FBXW10: variants seen among roughly 807,000 people sequenced by gnomAD.
FBXW10 encodes the protein F-box/WD repeat-containing protein 10.
In FBXW10, 68 loss-of-function variants were observed where a neutral mutation model predicts 113.1. The observed-to-expected ratio is 0.60, with a 90% CI of 0.49 to 0.74. The LOEUF (loss-of-function observed/expected upper bound fraction) is 0.74, where lower values mean the gene tolerates loss of function less well. FBXW10 is among the 30% of genes least tolerant of loss of function. The probability of loss-of-function intolerance (pLI) is 0.00; values close to 1 mark genes in which losing one functional copy is unlikely to be tolerated. For missense variants in FBXW10, 753 were observed against 1,284.5 expected (o/e 0.59, Z 6.32); for synonymous variants, 289 against 481.6 (o/e 0.60, Z 5.24).
chr17:18,746,587 T>A (rs1396801805), intron 1 of FBXW10, among the ~76,000 whole-genome samples: 3 of 152,192 alleles, frequency 2.0e-5, no homozygotes, highest in Non-Finnish European at 4.4e-5. Context: ...AGAATGATAA[T>A]ATAGAATGAA....
chr17:18,776,422 T>C (rs2035700483), intron 13 of FBXW10, among the ~76,000 whole-genome samples: 1 of 152,230 alleles, frequency 6.6e-6, no homozygotes, highest in African/African-American at 2.4e-5. Context: ...TTTCAAATAT[T>C]TTTGGCTAGT....
At chr17:18,756,404 C>T (rs1043691154) in intron 6 of FBXW10, among the ~76,000 whole-genome samples, 4 of 152,234 alleles carry the variant, frequency 2.6e-5, no homozygotes, top group Non-Finnish European at 4.4e-5. Flanking sequence ...GCACAAGTCA[C>T]ACATAAAATC....
chr17:18,768,540 A>C lies in FBXW10; in HGVS notation c.1711A>C (p.Ser571Arg), dbSNP rs148396663. The change falls in exon 10 of 14, where the codon AGT (serine) becomes CGT (arginine). Residue 571 changes from serine to arginine, a missense_variant. Ser to Arg is a moderately radical substitution (Grantham distance 110). Coordinates refer to ENST00000395665, the MANE Select transcript of FBXW10 (RefSeq NM_001267585.2). ...IAMAQLVKTLSGHEGAVKCLF... is the reference protein window; with the variant it reads ...IAMAQLVKTLRGHEGAVKCLF... ...GTGGTATCTTTTCTTGCAGACTCTC[A>C]GTGGCCATGAGGGAGCCGTGAAATG... 9.9e-6 allele frequency: 16 copies of C among 1,613,972 alleles called. No individual in the cohort carries two copies. Among genetic ancestry groups the C allele is most frequent in the Non-Finnish European group, 1.3e-5 (15 of 1,180,020 alleles).
chr17:18,777,696 G>T (rs531399998), intron 13 of FBXW10, among the ~76,000 whole-genome samples: 11 of 151,554 alleles, frequency 7.3e-5, no homozygotes, highest in African/African-American at 2.7e-4. Flanking sequence ...GGCGCCCGCC[G>T]CCATGCCGGG....
Position 18,756,042 on chromosome 17 carries a change from T to C in FBXW10, c.1123-3T>C. ...GCTTTAACTTCAAATATTCCCTTGT[T>C]AGAATGAGTACAACCTGTGGACTGC... On this transcript the variant is annotated splice_polypyrimidine_tract_variant and splice_region_variant and intron_variant, in intron 5 of 13. Coordinates refer to ENST00000395665, the MANE Select transcript of FBXW10 (RefSeq NM_001267585.2). The C allele has an allele frequency of 6.2e-7, 1 of 1,613,670 alleles. No homozygotes were observed. The highest frequency in any genetic ancestry group is 8.5e-7 in the Non-Finnish European group (1 of 1,179,712).
At chr17:18,745,945 G>T (rs573507761) in intron 1 of FBXW10, among the ~76,000 whole-genome samples, 7 of 152,286 alleles carry the variant, frequency 4.6e-5, no homozygotes, top group Admixed American at 3.3e-4. Context: ...GTTTTATTTG[G>T]CTCACAGTTC....
rs368084632 is a variant in FBXW10 at position 18,772,932 on chromosome 17, T to C, written c.2278+249T>C. ...CTAGATTTTCTTTCTTTCTTTCTTT[T>C]TTTTTTTTTTTTTGAGATGGAGTTT... is the stretch of plus-strand genomic sequence containing the variant. On this transcript the variant is annotated intron_variant, in intron 12 of 13. Transcript: ENST00000395665. Among the ~76,000 whole-genome samples, 665 of 150,072 alleles carry C rather than the reference T, an allele frequency of 4.4e-3. 7 individuals carry two copies. The highest frequency in any genetic ancestry group is 0.014 in the African/African-American group (570 of 41,018).
At chr17:18,764,428 T>C (rs1356633764) in intron 7 of FBXW10, among the ~76,000 whole-genome samples, 1 of 152,052 alleles carries the variant, frequency 6.6e-6, no homozygotes, top group African/African-American at 2.4e-5. Context: ...TCTCAATCTC[T>C]TGATCTCATG....
At chr17:18,759,839 TCTC>T (rs1292974054) in intron 7 of FBXW10, among the ~76,000 whole-genome samples, 3 of 152,102 alleles carry the variant, frequency 2.0e-5, no homozygotes, top group Admixed American at 6.5e-5. Flanking sequence ...ATGGTCTCGA[TCTC>T]CTGACCTCGT....
Position 18,766,989 on chromosome 17 carries a change from G to A in FBXW10, c.1704+127G>A, listed in dbSNP as rs1567622935. The A allele has an allele frequency of 2.6e-6, 3 of 1,139,056 alleles. No individual in the cohort carries two copies. The South Asian group carries it at 4.6e-5, about 18-fold the overall frequency. 70.6% of individuals were successfully genotyped at this position (1,139,056 alleles called of 1,614,324 possible). ...GACCTTCAAGAAGGACAGTCCTGAA[G>A]CTCTAAAGGGGAAGGCCCCAAAGTG... On this transcript the variant is annotated intron_variant, in intron 9 of 13. Transcript: ENST00000395665.
chr17:18,747,074 G>A (rs892917108), intron 1 of FBXW10, among the ~76,000 whole-genome samples: 13 of 151,900 alleles, frequency 8.6e-5, no homozygotes, highest in African/African-American at 2.7e-4. Context: ...ACAGGTGCCC[G>A]CCACCACGCC....
At chr17:18,773,139 A>G (rs964117210) in intron 12 of FBXW10, among the ~76,000 whole-genome samples, 12 of 151,600 alleles carry the variant, frequency 7.9e-5, no homozygotes, top group African/African-American at 2.9e-4. Flanking sequence ...CTCCATGTTG[A>G]TCAGGCTGGT....
rs1250832131 is a variant in FBXW10 at position 18,751,054 on chromosome 17, G to T, written c.1122+1G>T. ...TCCGAAGTGGAAGCTGAGAACGAAG[G>T]TGGGTTCCAACAGCATCTGGGGCAA... is the stretch of plus-strand genomic sequence containing the variant. On this transcript the variant is annotated splice_donor_variant, in intron 5 of 13. Transcript: ENST00000395665. LOFTEE classifies it high-confidence loss of function. 2.5e-5 allele frequency: 41 copies of T among 1,613,942 alleles called. No individual in the cohort carries two copies. The highest frequency in any genetic ancestry group is 3.4e-5 in the Non-Finnish European group (40 of 1,179,902).
intron 8 of FBXW10, among the ~76,000 whole-genome samples, chr17:18,765,623 C>T (rs1435625401): frequency 1.3e-5 from 2 of 152,220 alleles, no homozygotes; most frequent in Admixed American, 6.5e-5. Flanking sequence ...TATATTTTGT[C>T]TCAGGCCACT....
At chr17:18,749,585 T>C (rs1009423960) in intron 2 of FBXW10, 137 bp from the exon 3 acceptor site, 2 of 1,026,482 alleles carry the variant, frequency 1.9e-6, no homozygotes, top group Non-Finnish European at 2.8e-6. Context: ...GCAGAAGAGA[T>C]GACAAAAATC....
intron 5 of FBXW10, among the ~76,000 whole-genome samples, chr17:18,753,484 C>T (rs983016225): frequency 3.9e-4 from 59 of 152,130 alleles, no homozygotes; most frequent in African/African-American, 1.2e-4. Context: ...TAATGTAACT[C>T]GGTCAGAATT....
chr17:18,751,124 C>T, intron 5 of FBXW10, 71 bp downstream of exon 5: 1 of 1,594,978 alleles, frequency 6.3e-7, no homozygotes, highest in Non-Finnish European at 8.6e-7. Context: ...AGGCTGAGGT[C>T]CAGACTCAGC....
rs2035078124 is a variant in FBXW10, at chr17:18,748,111, T to A, written c.670+6T>A. On this transcript the variant is annotated splice_donor_region_variant and intron_variant, in intron 2 of 13. Transcript: ENST00000395665. ...TGGGGCAGCATCTAACCCTGGTAAG[T>A]GAACTTTCAGCAAGAAAGCCAATAT... The A allele has an allele frequency of 1.2e-5, 20 of 1,613,568 alleles. No individual in the cohort carries two copies. Among genetic ancestry groups the A allele is most frequent in the Non-Finnish European group, 1.6e-5 (19 of 1,179,762 alleles).
intron 2 of FBXW10, 145 bp downstream of exon 2, chr17:18,748,250 T>G (rs1158393523): frequency 3.5e-6 from 5 of 1,413,228 alleles, no homozygotes; most frequent in East Asian, 2.6e-5. Context: ...AAACCCCGTC[T>G]CTACTAAAAA....
Sources: allele counts gnomAD v4.1 joint callset (sites outside exome capture counted in the v4.1 genomes callset), GRCh38; gene constraint gnomAD v4.1.1; transcripts MANE v1.5; gene names NCBI Gene and HGNC (gene_info 2026-07-23, HGNC 2026-07-21).